The following RIMS2 variants were observed in gnomAD, a reference collection of about 807,000 sequenced individuals.
RIMS2 encodes the protein regulating synaptic membrane exocytosis 2, also known as regulating synaptic membrane exocytosis protein 2.
Under a neutral mutation model 174.4 loss-of-function variants are expected in RIMS2, and 59 were observed. The observed-to-expected ratio is 0.34, with a 90% CI of 0.27 to 0.42. RIMS2 has a LOEUF of 0.42. Ranked by LOEUF, RIMS2 falls within the 10% of genes least tolerant of loss-of-function variation. The pLI, the probability that RIMS2 is intolerant of heterozygous loss-of-function variation, is 1.00. For missense variants in RIMS2, 1,620 were observed against 1,666.3 expected (o/e 0.97, Z 0.48); for synonymous variants, 606 against 572.5 (o/e 1.06, Z -0.84).
intron 2 of RIMS2, among the ~76,000 whole-genome samples, chr8:103,755,305 T>A (rs1017338963): frequency 6.6e-6 from 1 of 152,186 alleles, no homozygotes; most frequent in Non-Finnish European, 1.5e-5. Context: ...TCCACTGTTA[T>A]TCTCATGGGC....
intron 20 of RIMS2, among the ~76,000 whole-genome samples, chr8:104,248,311 T>G (rs1364559254): frequency 1.3e-5 from 2 of 152,196 alleles, no homozygotes; most frequent in Admixed American, 1.3e-4. Context: ...CAGAAACATT[T>G]CTTCGTGTAT....
intron 8 of RIMS2, among the ~76,000 whole-genome samples, chr8:103,917,349 G>A (rs1040388769): frequency 2.0e-5 from 3 of 152,052 alleles, no homozygotes; most frequent in East Asian, 1.9e-4. Flanking sequence ...TGAAGAAAAC[G>A]ACTTAGGGTG....
At chr8:103,599,647 CACT>C (rs1369822640) in intron 1 of RIMS2, among the ~76,000 whole-genome samples, 4 of 151,692 alleles carry the variant, frequency 2.6e-5, no homozygotes, top group African/African-American at 9.7e-5. Flanking sequence ...GACGAGACCT[CACT>C]ATACTACCCA....
intron 3 of RIMS2, among the ~76,000 whole-genome samples, chr8:103,823,071 G>T (rs543932206): frequency 3.7e-4 from 56 of 151,818 alleles, no homozygotes; most frequent in Non-Finnish European, 6.5e-4. Flanking sequence ...TTTTCCATTT[G>T]CTAATTTTTA....
intron 14 of RIMS2, among the ~76,000 whole-genome samples, chr8:103,949,663 T>A (rs1168142321): frequency 2.0e-5 from 3 of 152,158 alleles, no homozygotes; most frequent in African/African-American, 7.2e-5. Flanking sequence ...ATGTATAGCA[T>A]TAAAGACTTA....
chr8:103,622,598 A>G (rs1392593223), intron 1 of RIMS2, among the ~76,000 whole-genome samples: 1 of 152,214 alleles, frequency 6.6e-6, no homozygotes, highest in Non-Finnish European at 1.5e-5. Context: ...AGATTCAGCA[A>G]TCTCATACAT....
chr8:103,533,323 A>G (rs564098608), intron 1 of RIMS2, among the ~76,000 whole-genome samples: 3 of 152,320 alleles, frequency 2.0e-5, no homozygotes, highest in Middle Eastern at 6.8e-3. Context: ...GTTACAAAAC[A>G]CAACAAGTGA....
chr8:103,614,796 C>T (rs1002429460), intron 1 of RIMS2, among the ~76,000 whole-genome samples: 14 of 152,280 alleles, frequency 9.2e-5, no homozygotes, highest in South Asian at 2.1e-4. Flanking sequence ...TTGCAGAAGT[C>T]GCATGAAATT....
At position 103,813,763 on chromosome 8, in the gene RIMS2, T is replaced by C. The variant is rs1390967017; in HGVS notation, c.698+47226T>C. 6.6e-5 allele frequency among the ~76,000 whole-genome samples: 10 copies of C among 152,218 alleles called. No homozygotes were observed. The East Asian group carries it at 1.9e-3, about 29-fold the overall frequency. ...TTTTTTATGGCTGCATAGTATTCCA[T>C]GGTGTATATGTGCCATATTTTCTTA... is the stretch of plus-strand genomic sequence containing the variant. On this transcript the variant is annotated intron_variant, in intron 3 of 23. Transcript: ENST00000504942.
chr8:103,814,603 A>T (rs2098707609), intron 3 of RIMS2, among the ~76,000 whole-genome samples: 1 of 152,148 alleles, frequency 6.6e-6, no homozygotes, highest in East Asian at 1.9e-4. Context: ...AGTCAGGCAC[A>T]GTGGCCCACA....
intron 3 of RIMS2, among the ~76,000 whole-genome samples, chr8:103,824,471 GA>G: frequency 6.6e-6 from 1 of 152,238 alleles, no homozygotes; most frequent in Non-Finnish European, 1.5e-5. Flanking sequence ...TCAAATTTGA[GA>G]AATTGTAAGT....
At chr8:104,148,680 AG>A (rs1381016379) in intron 19 of RIMS2, 1 of 1,598,340 alleles carries the variant, frequency 6.3e-7, no homozygotes, top group Non-Finnish European at 8.5e-7. Flanking sequence ...CACCAGCATC[AG>A]TGGAGACATG....
chr8:103,886,630 A>G (rs1253496938), intron 4 of RIMS2, among the ~76,000 whole-genome samples: 7 of 151,690 alleles, frequency 4.6e-5, no homozygotes, highest in African/African-American at 7.3e-5. Flanking sequence ...AGTTATCCAT[A>G]TTTCTTCCCC....
Position 103,984,302 on chromosome 8 carries a change from A to G in RIMS2, c.2928-5003A>G, listed in dbSNP as rs572106682. Reference sequence around the variant, plus strand: ...GGAAATATTTGCAAAGAAACTATCCATCTCAGAAGGGATTAATAGCCAGAA... The same window carrying G: ...GGAAATATTTGCAAAGAAACTATCCGTCTCAGAAGGGATTAATAGCCAGAA... On this transcript the variant is annotated intron_variant, in intron 16 of 23. Transcript: ENST00000504942. 2.6e-4 allele frequency among the ~76,000 whole-genome samples: 40 copies of G among 152,360 alleles called. No homozygotes were observed. The South Asian group carries it at 3.9e-3, about 15-fold the overall frequency.
intron 3 of RIMS2, among the ~76,000 whole-genome samples, chr8:103,778,936 T>A (rs996711274): frequency 2.0e-5 from 3 of 152,126 alleles, no homozygotes; most frequent in Admixed American, 6.6e-5. Flanking sequence ...TTTGAAGAAG[T>A]CATTTTAACT....
intron 1 of RIMS2, among the ~76,000 whole-genome samples, chr8:103,546,298 A>G (rs1167192726): frequency 6.6e-6 from 1 of 152,224 alleles, no homozygotes; most frequent in East Asian, 1.9e-4. Flanking sequence ...GCATTACATA[A>G]TGGTAAAGGG....
At chr8:103,659,616 G>C (rs1176981966) in intron 1 of RIMS2, among the ~76,000 whole-genome samples, 1 of 152,162 alleles carries the variant, frequency 6.6e-6, no homozygotes, top group East Asian at 1.9e-4. Context: ...TGCTACCCCA[G>C]TTTCATCTGT....
chr8:103,997,376 A>G (rs1020776681), intron 17 of RIMS2, among the ~76,000 whole-genome samples: 12 of 151,882 alleles, frequency 7.9e-5, no homozygotes, highest in Non-Finnish European at 1.8e-4. Context: ...TTTACTTTAT[A>G]TTTAGAGATA....
rs1056811068 is a variant in RIMS2 at position 104,244,854 on chromosome 8, C to G, written c.3335-62C>G. ...GCATCTGATGATCTCAGAGCCTTCG[C>G]TGATATTTCTTACCACATAGTGATT... On this transcript the variant is annotated intron_variant, in intron 19 of 23. Coordinates refer to ENST00000504942, the Ensembl canonical transcript of RIMS2. The G allele has an allele frequency of 1.3e-5, 18 of 1,367,320 alleles. No homozygotes were observed. In the African/African-American group the frequency reaches 2.6e-4, roughly 20 times the overall value. The allele number at this position is 1,367,320 out of a possible 1,614,324, so 84.7% of individuals were successfully genotyped here.
Sources: allele counts gnomAD v4.1 joint callset (sites outside exome capture counted in the v4.1 genomes callset), GRCh38; gene constraint gnomAD v4.1.1; transcripts MANE v1.5; gene names NCBI Gene and HGNC (gene_info 2026-07-23, HGNC 2026-07-21).